The following ZNF536 variants were observed in gnomAD, a reference collection of about 807,000 sequenced individuals.
ZNF536 encodes zinc finger protein 536.
A neutral mutation model predicts 84.5 loss-of-function variants in ZNF536; 13 were observed. The observed-to-expected ratio is 0.15, with a 90% CI of 0.10 to 0.24. The LOEUF (loss-of-function observed/expected upper bound fraction) is 0.24, where lower values mean the gene tolerates loss of function less well. ZNF536 is among the 10% of genes least tolerant of loss of function. The pLI is 1.00. For missense variants in ZNF536, 1,536 were observed against 1,747.5 expected (o/e 0.88, Z 2.16); for synonymous variants, 811 against 742.5 (o/e 1.09, Z -1.50).
intron 2 of ZNF536, among the ~76,000 whole-genome samples, chr19:30,505,053 G>T (rs2055110839): frequency 1.3e-5 from 2 of 152,140 alleles, no homozygotes; most frequent in South Asian, 4.1e-4. Flanking sequence ...TTGTATATAA[G>T]GTTGGGAGAA....
At chr19:30,635,508 C>A (rs560071293) in intron 1 of ZNF536, among the ~76,000 whole-genome samples, 1 of 152,288 alleles carries the variant, frequency 6.6e-6, no homozygotes, top group African/African-American at 2.4e-5. Flanking sequence ...TCTCTTGTCC[C>A]ACCCTGTGCG....
chr19:30,479,330 T>C (rs1309226577), intron 2 of ZNF536, among the ~76,000 whole-genome samples: 2 of 152,252 alleles, frequency 1.3e-5, no homozygotes, highest in East Asian at 3.9e-4. Context: ...AAGAGACTCT[T>C]CTAAGAAGTA....
chr19:30,568,578 T>TA (rs898366557), intron 1 of ZNF536, among the ~76,000 whole-genome samples: 190 of 149,124 alleles, frequency 1.3e-3, no homozygotes, highest in Admixed American at 3.1e-3. Flanking sequence ...ATACTGCTAA[T>TA]AAAAAAAAAA....
At chr19:30,325,505 TTGGGGCTCCAGTGACA>T (rs1321224847) in intron 2 of ZNF536, among the ~76,000 whole-genome samples, 1 of 152,152 alleles carries the variant, frequency 6.6e-6, no homozygotes, top group Non-Finnish European at 1.5e-5. Context: ...GGGGGCTGTT[TTGGGGCTCCAGTGACA>T]GCCTGTGCAT....
At chr19:30,673,497 G>A (rs146820781) in intron 1 of ZNF536, among the ~76,000 whole-genome samples, 17 of 152,224 alleles carry the variant, frequency 1.1e-4, no homozygotes, top group Admixed American at 3.3e-4. Flanking sequence ...CGGGTCTCCC[G>A]CCCTGTGCCT....
intron 1 of ZNF536, among the ~76,000 whole-genome samples, chr19:30,588,376 G>A (rs950869605): frequency 3.3e-5 from 5 of 152,144 alleles, no homozygotes; most frequent in Admixed American, 2.0e-4. Context: ...CAGTGAGGGG[G>A]ACAAGGTCCT....
intron 2 of ZNF536, among the ~76,000 whole-genome samples, chr19:30,311,363 C>T (rs2046498189): frequency 6.6e-6 from 1 of 152,202 alleles, no homozygotes; most frequent in Non-Finnish European, 1.5e-5. Flanking sequence ...GAAGCTGTAG[C>T]ATTAAGTGTG....
intron 1 of ZNF536, among the ~76,000 whole-genome samples, chr19:30,574,511 C>T (rs1004447248): frequency 1.3e-5 from 2 of 152,236 alleles, no homozygotes; most frequent in Non-Finnish European, 2.9e-5. Context: ...ACCTCTTTCC[C>T]TCACTGATGC....
intron 1 of ZNF536, among the ~76,000 whole-genome samples, chr19:30,667,191 G>A (rs902712601): frequency 1.3e-5 from 2 of 152,146 alleles, no homozygotes; most frequent in South Asian, 2.1e-4. Flanking sequence ...TAGACCTCCC[G>A]AGCACCAGGT....
intron 1 of ZNF536, among the ~76,000 whole-genome samples, chr19:30,662,549 GTTTT>G (rs1372012675): frequency 6.6e-6 from 1 of 151,686 alleles, no homozygotes; most frequent in Non-Finnish European, 1.5e-5. Context: ...GGGGGGGATA[GTTTT>G]TTGTTTTTTG....
intron 4 of ZNF536, among the ~76,000 whole-genome samples, chr19:30,552,154 A>G (rs1168096253): frequency 6.6e-6 from 1 of 152,228 alleles, no homozygotes; most frequent in African/African-American, 2.4e-5. Context: ...TGATATTAGC[A>G]CAATGAATAA....
chr19:30,598,134 A>G (rs2047533722), intron 1 of ZNF536, among the ~76,000 whole-genome samples: 1 of 152,174 alleles, frequency 6.6e-6, no homozygotes. Flanking sequence ...CTTGACTTGA[A>G]GAATAAAGGA....
intron 2 of ZNF536, among the ~76,000 whole-genome samples, chr19:30,452,502 G>A (rs561293657): frequency 2.6e-3 from 395 of 152,308 alleles, no homozygotes; most frequent in Non-Finnish European, 4.2e-3. Context: ...CTTCAACAAG[G>A]CCTGTTATAC....
At chr19:30,320,861 G>A (rs2046831959) in intron 2 of ZNF536, among the ~76,000 whole-genome samples, 1 of 152,152 alleles carries the variant, frequency 6.6e-6, no homozygotes, top group African/African-American at 2.4e-5. Flanking sequence ...CGCCGGACGT[G>A]TCACAAAAAC....
chr19:30,470,680 ACTGT>A lies in ZNF536; in HGVS notation c.2170+24951_2170+24954del, dbSNP rs1357929222. ...GGAGTCCTGGACGGGTATTTTGTAG[ACTGT>A]CTTTTTTTTTTTTTTTTTTGAGATG... On this transcript the variant is annotated intron_variant, in intron 2 of 4. Coordinates refer to ENST00000355537, the MANE Select transcript of ZNF536 (RefSeq NM_014717.3). 4.8e-4 allele frequency among the ~76,000 whole-genome samples: 68 copies of A among 141,412 alleles called. No individual in the cohort carries two copies. The East Asian group carries it at 7.4e-3, about 15-fold the overall frequency. 92.8% of individuals were successfully genotyped at this position (141,412 alleles called of 152,430 possible). A position where few individuals can be genotyped will look rare whatever the true frequency, so the allele number is the denominator to read the frequency against.
chr19:30,420,444 C>G (rs2050905323), intron 1 of ZNF536, among the ~76,000 whole-genome samples: 1 of 152,176 alleles, frequency 6.6e-6, no homozygotes, highest in African/African-American at 2.4e-5. Flanking sequence ...TAAGGTGTCT[C>G]TATCCAATGC....
At chr19:30,528,018 C>T (rs1183501197) in intron 2 of ZNF536, among the ~76,000 whole-genome samples, 2 of 152,102 alleles carry the variant, frequency 1.3e-5, no homozygotes, top group East Asian at 3.8e-4. Context: ...GTTCTTTGCA[C>T]AAAGCATACT....
chr19:30,284,416 A>G (rs1387493381), intron 2 of ZNF536, among the ~76,000 whole-genome samples: 2 of 152,180 alleles, frequency 1.3e-5, no homozygotes, highest in African/African-American at 4.8e-5. Flanking sequence ...CTGAGTCCCT[A>G]TCTGCCAGCC....
intron 2 of ZNF536, among the ~76,000 whole-genome samples, chr19:30,332,279 T>C (rs1012874792): frequency 6.6e-6 from 1 of 152,230 alleles, no homozygotes; most frequent in Non-Finnish European, 1.5e-5. Context: ...GCCACTTTTC[T>C]GGCCCTTGTC....
Sources: allele counts gnomAD v4.1 joint callset (sites outside exome capture counted in the v4.1 genomes callset), GRCh38; gene constraint gnomAD v4.1.1; transcripts MANE v1.5; gene names NCBI Gene and HGNC (gene_info 2026-07-23, HGNC 2026-07-21).